The following EYA1 variants were observed in gnomAD, a reference collection of about 807,000 sequenced individuals.
EYA1 encodes the protein EYA transcriptional coactivator and phosphatase 1, also known as protein phosphatase EYA1.
A neutral mutation model predicts 82.0 loss-of-function variants in EYA1; 16 were observed. The observed-to-expected ratio is 0.20, with a 90% CI of 0.13 to 0.30. The LOEUF (loss-of-function observed/expected upper bound fraction) is 0.30. EYA1 is among the 10% of genes least tolerant of loss of function. EYA1 has a pLI of 1.00. For synonymous variants in EYA1, 261 were observed against 264.4 expected, an observed-to-expected ratio of 0.99 and a Z score of 0.12; for missense variants, 633 against 730.7, an observed-to-expected ratio of 0.87 and a Z score of 1.54.
chr8:71,430,085 T>G (rs1805510451), intron 2 of EYA1, among the ~76,000 whole-genome samples: 1 of 152,178 alleles, frequency 6.6e-6, no homozygotes, highest in Non-Finnish European at 1.5e-5. Flanking sequence ...ACTGTATAAA[T>G]TTGAAAGATA....
At chr8:71,347,286 G>A (rs527691490) in intron 3 of EYA1, among the ~76,000 whole-genome samples, 2 of 152,082 alleles carry the variant, frequency 1.3e-5, no homozygotes. Context: ...CTAAAATGAG[G>A]TGCCTAAAAG....
chr8:71,400,681 G>A (rs1829908428), intron 2 of EYA1, among the ~76,000 whole-genome samples: 1 of 152,202 alleles, frequency 6.6e-6, no homozygotes, highest in South Asian at 2.1e-4. Context: ...CTTTTACACT[G>A]TTGGTGGGAA....
At chr8:71,354,120 CTT>C (rs969017114) in intron 3 of EYA1, among the ~76,000 whole-genome samples, 1 of 151,846 alleles carries the variant, frequency 6.6e-6, no homozygotes, top group Non-Finnish European at 1.5e-5. Flanking sequence ...GGTATTTCGA[CTT>C]ATATAAAATT....
At chr8:71,223,933 A>T (rs1285603592) in intron 12 of EYA1, among the ~76,000 whole-genome samples, 2 of 152,230 alleles carry the variant, frequency 1.3e-5, no homozygotes, top group African/African-American at 2.4e-5. Flanking sequence ...ATAATTATGT[A>T]AAAATACACC....
intron 12 of EYA1, among the ~76,000 whole-genome samples, chr8:71,241,198 A>C (rs995858667): frequency 1.3e-4 from 20 of 152,056 alleles, no homozygotes; most frequent in Non-Finnish European, 2.6e-4. Flanking sequence ...TACAGAAAAC[A>C]TTTTTTTCTC....
intron 2 of EYA1, among the ~76,000 whole-genome samples, chr8:71,453,009 T>TA (rs1287275917): frequency 2.0e-5 from 3 of 152,074 alleles, no homozygotes; most frequent in Non-Finnish European, 1.5e-5. Context: ...ATAAAGAAGC[T>TA]AAAAAACCTT....
At chr8:71,216,893 A>G in intron 13 of EYA1, 41 bp from the exon 14 acceptor site, 1 of 1,613,298 alleles carries the variant, frequency 6.2e-7, no homozygotes, top group Non-Finnish European at 8.5e-7. Context: ...GCCGAACAGA[A>G]AGTCCATCTT....
chr8:71,243,249 G>A (rs1329413511), intron 12 of EYA1, among the ~76,000 whole-genome samples: 1 of 152,116 alleles, frequency 6.6e-6, no homozygotes, highest in African/African-American at 2.4e-5. Context: ...GGAAACTTAG[G>A]AAAGGCATTT....
intron 2 of EYA1, among the ~76,000 whole-genome samples, chr8:71,490,780 T>G (rs1380320511): frequency 6.6e-6 from 1 of 152,174 alleles, no homozygotes; most frequent in Non-Finnish European, 1.5e-5. Flanking sequence ...AATCCACAAC[T>G]TGAAGAGCTG....
chr8:71,504,114 C>A (rs1240556520), intron 2 of EYA1, among the ~76,000 whole-genome samples: 1 of 151,888 alleles, frequency 6.6e-6, no homozygotes, highest in Non-Finnish European at 1.5e-5. Flanking sequence ...TTTGCTTCAC[C>A]CTGCATCTCT....
At position 71,199,100 on chromosome 8, in the gene EYA1, G is replaced by A; in HGVS notation, c.*240C>T. The A allele has an allele frequency of 3.4e-6, 2 of 584,788 alleles. No homozygotes were observed. The highest frequency in any genetic ancestry group is 3.1e-5 in the East Asian group (1 of 32,394). The allele number at this position is 584,788 out of a possible 1,614,324, so 36.2% of individuals were successfully genotyped here. ...TAATGTGGCAGACACATAACGCTGT[G>A]CTAAAACATTCTCATGGCTTATTTT... On this transcript the variant is annotated 3_prime_UTR_variant, in exon 18 of 18. Transcript: ENST00000340726.
intron 7 of EYA1, among the ~76,000 whole-genome samples, chr8:71,314,271 C>A (rs2129018787): frequency 6.6e-6 from 1 of 152,228 alleles, no homozygotes; most frequent in East Asian, 1.9e-4. Flanking sequence ...TGCACAAAAT[C>A]ATTGAATAAT....
Position 71,423,772 on chromosome 8 carries a change from G to A in EYA1, c.34-67261C>T, listed in dbSNP as rs985000596. Among the ~76,000 whole-genome samples the A allele has an allele frequency of 2.0e-5, 3 of 152,164 alleles. No individual in the cohort carries two copies. The South Asian group carries it at 6.2e-4, about 32-fold the overall frequency. Reference sequence around the variant, plus strand: ...CATTTTTTTCTTAAAATAGTTAACAGCAAACTACAGAAGACTCTTGATTCA... The same window carrying A: ...CATTTTTTTCTTAAAATAGTTAACAACAAACTACAGAAGACTCTTGATTCA... On this transcript the variant is annotated intron_variant, in intron 2 of 18. Coordinates refer to the EYA1 transcript ENST00000643681.
intron 2 of EYA1, among the ~76,000 whole-genome samples, chr8:71,523,553 C>A (rs548704554): frequency 1.3e-4 from 20 of 152,286 alleles, no homozygotes; most frequent in African/African-American, 4.8e-4. Flanking sequence ...AAATCAATCA[C>A]CTTTGTCCTA....
chr8:71,215,990 T>TA (rs1809143995), intron 14 of EYA1, among the ~76,000 whole-genome samples: 1 of 152,122 alleles, frequency 6.6e-6, no homozygotes, highest in African/African-American at 2.4e-5. Context: ...GCTCCCAGGG[T>TA]AGGTGTGCAG....
At chr8:71,482,553 A>G (rs1355305333) in intron 2 of EYA1, among the ~76,000 whole-genome samples, 1 of 152,212 alleles carries the variant, frequency 6.6e-6, no homozygotes, top group African/African-American at 2.4e-5. Flanking sequence ...ACCCAAGAGA[A>G]ATGAATGCAT....
At chr8:71,489,757 T>C (rs1810854429) in intron 2 of EYA1, among the ~76,000 whole-genome samples, 1 of 152,260 alleles carries the variant, frequency 6.6e-6, no homozygotes, top group Admixed American at 6.5e-5. Context: ...ATTTGGAAAT[T>C]GGGTTATTTT....
intron 7 of EYA1, among the ~76,000 whole-genome samples, chr8:71,314,442 C>T (rs1821682000): frequency 6.6e-6 from 1 of 152,100 alleles, no homozygotes; most frequent in Non-Finnish European, 1.5e-5. Flanking sequence ...GATCATCTGG[C>T]TTAATATGTG....
At chr8:71,370,462 A>G (rs1828015113) in intron 2 of EYA1, among the ~76,000 whole-genome samples, 1 of 151,208 alleles carries the variant, frequency 6.6e-6, no homozygotes, top group South Asian at 2.1e-4. Context: ...ATGTGTCCAT[A>G]GAAGTGTAAA....
Sources: allele counts gnomAD v4.1 joint callset (sites outside exome capture counted in the v4.1 genomes callset), GRCh38; gene constraint gnomAD v4.1.1; transcripts MANE v1.5; gene names NCBI Gene and HGNC (gene_info 2026-07-23, HGNC 2026-07-21).